Variants in MIDEAS observed in about 807,000 individuals in gnomAD.
MIDEAS encodes mitotic deacetylase associated SANT domain protein.
Under a neutral mutation model 102.7 loss-of-function variants are expected in MIDEAS, and 26 were observed. The observed-to-expected ratio is 0.25, with a 90% CI of 0.19 to 0.35. MIDEAS has a LOEUF of 0.35. MIDEAS is among the 10% of genes least tolerant of loss of function. The pLI is 1.00. For missense variants in MIDEAS, 1,231 were observed against 1,435.6 expected, an observed-to-expected ratio of 0.86 and a Z score of 2.30; for synonymous variants, 585 against 591.0, an observed-to-expected ratio of 0.99 and a Z score of 0.15.
In MIDEAS at chr14:73,739,688, G is replaced by A; in HGVS notation, c.321C>T (p.Gly107=). ...WPNSVMAPGR[G]PERGGGGGVS... is the part of the protein sequence containing the mutation. ...CACCCCCACCTCCTCCACGCTCCGG[G>A]CCCCGCCCTGGAGCCATCACAGAGT... Residue 107 remains glycine, a synonymous_variant, in exon 2 of 13, where the codon GGC becomes GGT. Transcript: ENST00000423556. The A allele has an allele frequency of 6.2e-7, 1 of 1,613,844 alleles. No individual in the cohort carries two copies. Among genetic ancestry groups the A allele is most frequent in the South Asian group, 1.1e-5 (1 of 91,070 alleles).
Position 73,729,995 on chromosome 14 carries a change from G to A in MIDEAS, c.1750-10C>T, listed in dbSNP as rs2053117108. On this transcript the variant is annotated splice_polypyrimidine_tract_variant and intron_variant, in intron 3 of 12. Coordinates refer to ENST00000423556, the MANE Select transcript of MIDEAS (RefSeq NM_001367710.1). ...CATTCATGTCCTCTGCCTGGAGAAG[G>A]AAAGAAAACAAGGACGGCTCAGCCC... The A allele has an allele frequency of 2.5e-6, 4 of 1,603,448 alleles. No individual in the cohort carries two copies.
chr14:73,740,801 G>A (rs2053272216), intron 1 of MIDEAS, among the ~76,000 whole-genome samples: 1 of 152,222 alleles, frequency 6.6e-6, no homozygotes. Flanking sequence ...TCAGGCTCGG[G>A]AAGTGGAGAG....
rs1442451600 is a variant in MIDEAS at position 73,742,935 on chromosome 14, T to C, written c.-247-2680A>G. ...CCCGTGCCAGGCAGATCCTACGTGCTTTATATCCTTTAAATTCCCACCATG... is the reference window on the plus strand; with the variant it reads ...CCCGTGCCAGGCAGATCCTACGTGCCTTATATCCTTTAAATTCCCACCATG... On this transcript the variant is annotated intron_variant, in intron 1 of 12. Coordinates refer to ENST00000423556, the MANE Select transcript of MIDEAS (RefSeq NM_001367710.1). The surrounding 1 kb of genome is among the most constrained non-coding windows in gnomAD (Gnocchi z 4.4). Among the ~76,000 whole-genome samples the C allele has an allele frequency of 6.6e-6, 1 of 152,158 alleles. No individual in the cohort carries two copies. The highest frequency in any genetic ancestry group is 1.5e-5 in the Non-Finnish European group (1 of 68,010).
chr14:73,781,688 C>T (rs2053758488), intron 1 of MIDEAS, among the ~76,000 whole-genome samples: 2 of 134,408 alleles, frequency 1.5e-5, no homozygotes, highest in South Asian at 2.5e-4. Context: ...GAGCCAAGAT[C>T]GTGCCATTGC....
Position 73,726,610 on chromosome 14 carries a change from G to A in MIDEAS, c.2403C>T (p.Asp801=), listed in dbSNP as rs999745170. 3 of 1,614,000 alleles carry A rather than the reference G, an allele frequency of 1.9e-6. No homozygotes were observed. In the African/African-American group the frequency reaches 4.0e-5, roughly 22 times the overall value. Residue 801 remains aspartate (D), a synonymous_variant, in exon 7 of 13, where the codon GAC becomes GAT. Coordinates refer to ENST00000423556, the MANE Select transcript of MIDEAS (RefSeq NM_001367710.1). ...GCTGGGGTTGCCTTCTCACCAGGAT[G>A]TCTCCTCTGGATTCGTGCAGACAGT... is the stretch of plus-strand genomic sequence containing the variant. ...ALHCLHESRG[D]ILETLNKLLL...
At chr14:73,740,379 G>A in intron 1 of MIDEAS, 124 bp from the exon 2 acceptor site, 1 of 397,984 alleles carries the variant, frequency 2.5e-6, no homozygotes, top group Non-Finnish European at 4.4e-6. Flanking sequence ...CACAGGGACA[G>A]GCCCCAAGTC....
At chr14:73,751,891 A>C (rs1429358855) in intron 1 of MIDEAS, among the ~76,000 whole-genome samples, 1 of 151,844 alleles carries the variant, frequency 6.6e-6, no homozygotes, top group Non-Finnish European at 1.5e-5. Flanking sequence ...CAAGAGCAAA[A>C]CTCTGTCTCA....
chr14:73,772,922 C>T (rs10139368), intron 1 of MIDEAS, among the ~76,000 whole-genome samples: 6,634 of 151,560 alleles, frequency 0.044, 479 homozygotes, highest in African/African-American at 0.15. Flanking sequence ...TCACTGCAAC[C>T]TCCACCCCCC....
At chr14:73,733,611 A>T (rs1237949682) in intron 3 of MIDEAS, among the ~76,000 whole-genome samples, 1 of 152,152 alleles carries the variant, frequency 6.6e-6, no homozygotes. Flanking sequence ...CCGCCCAAAA[A>T]ACCCAGAAAC....
chr14:73,777,984 A>G (rs1490098242), intron 1 of MIDEAS, among the ~76,000 whole-genome samples: 1 of 152,008 alleles, frequency 6.6e-6, no homozygotes, highest in Non-Finnish European at 1.5e-5. Context: ...CCAAGCACAG[A>G]GCCAAGTACA....
Position 73,725,300 on chromosome 14 carries a change from T to C in MIDEAS, c.2546A>G (p.Lys849Arg). 2 of 1,614,128 alleles carry C rather than the reference T, an allele frequency of 1.2e-6. No individual in the cohort carries two copies. The highest frequency in any genetic ancestry group is 1.7e-6 in the Non-Finnish European group (2 of 1,179,958). ...KLFNKGIAIYKKDFFLVQKLI... is the reference protein window; with the variant it reads ...KLFNKGIAIYRKDFFLVQKLI... The stretch of plus-strand genomic sequence containing the variant: ...CTTCTGCACCAGGAAGAAATCCTTC[T>C]TGTAGATGGCAATGCCTTTGTTGAA... Residue 849 changes from lysine (K) to arginine (R), a missense_variant, in exon 9 of 13, where the codon AAG becomes AGG. By Grantham distance (26) the Lys-to-Arg change is conservative (BLOSUM62 2). Around this residue, in one of 5 missense-constraint regions of MIDEAS, gnomAD observed 391 missense variants for 483.0 expected, o/e 0.81. Coordinates refer to ENST00000423556, the MANE Select transcript of MIDEAS (RefSeq NM_001367710.1). This position sits in a 1 kb window ranked among gnomAD's most constrained non-coding sequence, Gnocchi z 4.1.
chr14:73,739,798 C>T lies in MIDEAS; in HGVS notation c.211G>A (p.Ala71Thr). 6.2e-7 allele frequency: 1 copy of T among 1,613,476 alleles called. No homozygotes were observed. The highest frequency in any genetic ancestry group is 1.3e-5 in the African/African-American group (1 of 75,054). ...PVELPPPSSL[A>T]LLNSVVYGPE... Reference sequence around the variant, plus strand: ...CCATATACCACAGAGTTCAGCAGGGCCAGGCTGCTAGGAGGGGGCAGTTCC... The same window carrying T: ...CCATATACCACAGAGTTCAGCAGGGTCAGGCTGCTAGGAGGGGGCAGTTCC... Residue 71 changes from alanine to threonine, a missense_variant, in exon 2 of 13, where the codon GCC (alanine) becomes ACC (threonine). Physicochemically the swap from Ala to Thr is moderately conservative, Grantham distance 58 (BLOSUM62 0). Around this residue, in one of 5 missense-constraint regions of MIDEAS, gnomAD observed 758 missense variants for 856.0 expected, o/e 0.89. Coordinates refer to ENST00000423556, the MANE Select transcript of MIDEAS (RefSeq NM_001367710.1).
chr14:73,738,429 T>C (rs1355437200), intron 2 of MIDEAS, 131 bp downstream of exon 2: 6 of 1,117,846 alleles, frequency 5.4e-6, no homozygotes, highest in Admixed American at 3.3e-5. Flanking sequence ...GTGGTCTTTG[T>C]ACTGTTTTCC....
At position 73,738,932 on chromosome 14, in the gene MIDEAS, G is replaced by C; in HGVS notation, c.1077C>G (p.Ala359=). ...CAGGCTGGGTGCCAGCCCCATCCAG[G>C]GCGCTGGGAGGCAGGATACCCTCCT... ...LSKEGILPPS[A]LDGAGTQPGQ... The change falls in exon 2 of 13, where the codon GCC becomes GCG. Residue 359 remains alanine, a synonymous_variant. Coordinates refer to ENST00000423556, the MANE Select transcript of MIDEAS (RefSeq NM_001367710.1). 3.3e-6 allele frequency: 5 copies of C among 1,526,050 alleles called. No homozygotes were observed. The highest frequency in any genetic ancestry group is 4.4e-6 in the Non-Finnish European group (5 of 1,138,894). The allele number at this position is 1,526,050 out of a possible 1,614,324, so 94.5% of individuals were successfully genotyped here.
At chr14:73,774,792 C>CA (rs1254964928) in intron 1 of MIDEAS, among the ~76,000 whole-genome samples, 1 of 152,014 alleles carries the variant, frequency 6.6e-6, no homozygotes, top group African/African-American at 2.4e-5. Context: ...GTCATGCAGA[C>CA]AGCCAGCTCA....
intron 1 of MIDEAS, among the ~76,000 whole-genome samples, chr14:73,784,977 C>A (rs1280957613): frequency 2.6e-5 from 4 of 152,194 alleles, no homozygotes; most frequent in African/African-American, 9.7e-5. Context: ...CATTTTTCCT[C>A]CAGGTGAAGC....
intron 1 of MIDEAS, among the ~76,000 whole-genome samples, chr14:73,750,903 G>A (rs762502920): frequency 2.2e-4 from 34 of 152,186 alleles, no homozygotes; most frequent in Non-Finnish European, 4.1e-4. Flanking sequence ...ACACAAACAA[G>A]GCTTCATCAA....
chr14:73,753,936 T>C (rs1279785650), intron 1 of MIDEAS, among the ~76,000 whole-genome samples: 2 of 150,976 alleles, frequency 1.3e-5, no homozygotes, highest in Non-Finnish European at 3.0e-5. Flanking sequence ...AGCCGCCACC[T>C]CCTGGATTCA....
In MIDEAS at chr14:73,739,022, T is replaced by C. The variant is rs779639082; in HGVS notation, c.987A>G (p.Ser329=). The change falls in exon 2 of 13, where the codon TCA becomes TCG. Residue 329 remains serine (S), a synonymous_variant. Transcript: ENST00000423556. ...CCTGAGGTAGCGCTGGCTGCGGGGC[T>C]GAGTCCTGCAGAAGGGCCTTGCGCA... is the stretch of plus-strand genomic sequence containing the variant. ...PELRKALLQD[S]APQPALPQVQ... 1.9e-6 allele frequency: 3 copies of C among 1,543,164 alleles called. No individual in the cohort carries two copies. Among genetic ancestry groups the C allele is most frequent in the Non-Finnish European group, 2.6e-6 (3 of 1,143,632 alleles).
Sources: allele counts gnomAD v4.1 joint callset (sites outside exome capture counted in the v4.1 genomes callset), GRCh38; gene constraint gnomAD v4.1.1; regional missense constraint gnomAD v4.1.1; non-coding constraint Gnocchi (gnomAD v3.1); transcripts MANE v1.5; gene names NCBI Gene and HGNC (gene_info 2026-07-23, HGNC 2026-07-21).